The following CLEC4D variants were observed in gnomAD, a reference collection of about 807,000 sequenced individuals.
The protein encoded by CLEC4D is C-type lectin domain family 4 member D.
A neutral mutation model predicts 21.1 loss-of-function variants in CLEC4D; 21 were observed. That is an observed-to-expected ratio of 1.00 (90% confidence interval 0.71 to 1.43). The LOEUF is 1.43. Among genes scored for constraint, CLEC4D ranks in the 40% most tolerant of loss-of-function variants. CLEC4D has a pLI of 0.00. For synonymous variants in CLEC4D, 85 were observed against 83.1 expected (o/e 1.02, Z -0.12); for missense variants, 289 against 260.7 (o/e 1.11, Z -0.75).
chr12:8,516,346 A>G (rs1225261767), intron 2 of CLEC4D, among the ~76,000 whole-genome samples: 2 of 152,248 alleles, frequency 1.3e-5, no homozygotes, highest in Non-Finnish European at 2.9e-5. Flanking sequence ...AGATACTTGT[A>G]ATGCATATAA....
chr12:8,520,767 G>A (rs1004331667), intron 5 of CLEC4D, among the ~76,000 whole-genome samples: 7 of 152,220 alleles, frequency 4.6e-5, no homozygotes, highest in Non-Finnish European at 1.0e-4. Context: ...AAAGAAGCAA[G>A]TGAAATGTAT....
intron 3 of CLEC4D, among the ~76,000 whole-genome samples, chr12:8,518,799 G>C (rs191674880): frequency 1.3e-5 from 2 of 152,178 alleles, no homozygotes; most frequent in African/African-American, 4.8e-5. Context: ...TGATTTTCTC[G>C]TAGTCATTAT....
chr12:8,520,377 C>T, intron 5 of CLEC4D, 36 bp downstream of exon 5: 4 of 1,593,688 alleles, frequency 2.5e-6, no homozygotes, highest in Non-Finnish European at 3.4e-6. Context: ...GATTTATAAG[C>T]AAAGGTTAGA....
chr12:8,520,316 C>T lies in CLEC4D; in HGVS notation c.475C>T (p.Gln159Ter). 6.2e-7 allele frequency: 1 copy of T among 1,613,958 alleles called. No individual in the cohort carries two copies. The highest frequency in any genetic ancestry group is 1.1e-5 in the South Asian group (1 of 91,066). ...NAKGQWRWVD[Q>*]TPFNPRRVFW... ...CAAAGGTCAGTGGCGTTGGGTGGAC[C>T]AGACGCCATTTAACCCACGCAGAGT... is the stretch of plus-strand genomic sequence containing the variant. The change falls in exon 5 of 6, where the codon CAG (glutamine) becomes TAG (stop). Residue 159 changes from glutamine to a stop codon, truncating the protein, a stop_gained. Coordinates refer to ENST00000299665, the MANE Select transcript of CLEC4D (RefSeq NM_080387.5). LOFTEE classifies it low-confidence loss of function (END_TRUNC).
In CLEC4D at chr12:8,518,207, G is replaced by A. The variant is rs1336991393; in HGVS notation, c.165G>A (p.Val55=). ...NFSRCKRGTG[V]HKLEHHAKLK... ...CACGCTGTAAGAGAGGCACAGGAGT[G>A]CACAAGTTAGAGCACCATGCAAAGC... The change falls in exon 3 of 6, where the codon GTG becomes GTA. Residue 55 remains valine, a synonymous_variant. Coordinates refer to ENST00000299665, the MANE Select transcript of CLEC4D (RefSeq NM_080387.5). 4.2e-6 allele frequency: 6 copies of A among 1,443,050 alleles called. No individual in the cohort carries two copies. The highest frequency in any genetic ancestry group is 1.4e-5 in the African/African-American group (1 of 71,802). The allele number at this position is 1,443,050 out of a possible 1,614,324, so 89.4% of individuals were successfully genotyped here.
intron 4 of CLEC4D, among the ~76,000 whole-genome samples, chr12:8,519,683 AGATGTATG>A (rs1057291760): frequency 5.3e-5 from 8 of 152,252 alleles, no homozygotes; most frequent in African/African-American, 1.9e-4. Flanking sequence ...AAACTAATTC[AGATGTATG>A]GATCTAATGA....
intron 3 of CLEC4D, 150 bp downstream of exon 3, chr12:8,518,424 G>A: frequency 1.8e-6 from 1 of 546,558 alleles, no homozygotes; most frequent in Admixed American, 3.1e-5. Flanking sequence ...CCTTAAGATA[G>A]AATTATTTCT....
In CLEC4D at chr12:8,513,731, C is replaced by A. The variant is rs747669477; in HGVS notation, c.-2C>A. The A allele has an allele frequency of 4.4e-6, 5 of 1,131,892 alleles. No homozygotes were observed. The South Asian group carries it at 4.9e-5, about 11-fold the overall frequency. The allele number at this position is 1,131,892 out of a possible 1,614,324, so 70.1% of individuals were successfully genotyped here. On this transcript the variant is annotated 5_prime_UTR_variant, in exon 1 of 6. Transcript: ENST00000299665. ...ACCATTGAACAAGAGACTAATTAGA[C>A]AATGGGGCTAGAAAAACCTCAAAGT...
rs977766570 is a variant in CLEC4D, at chr12:8,520,246, G to A, written c.405G>A (p.Leu135=). The change falls in exon 5 of 6, where the codon CTG becomes CTA. Residue 135 remains leucine (L), a synonymous_variant. Coordinates refer to ENST00000299665, the MANE Select transcript of CLEC4D (RefSeq NM_080387.5). ...EAEQNFIIQF[L]DRRLSYFLGL... is the part of the protein sequence containing the mutation. ...TGCAGAACTTTATTATTCAGTTTCT[G>A]GATAGACGGCTTTCCTATTTCCTTG... 6.2e-7 allele frequency: 1 copy of A among 1,613,898 alleles called. No homozygotes were observed. The highest frequency in any genetic ancestry group is 1.7e-5 in the Admixed American group (1 of 60,024).
At chr12:8,529,372 T>C in the CLEC4D span, among the ~76,000 whole-genome samples, 1 of 152,174 alleles carries the variant, frequency 6.6e-6, no homozygotes, top group Non-Finnish European at 1.5e-5. Flanking sequence ...CCCAGCACTT[T>C]GGGAGGCCAA....
At chr12:8,528,195 T>C in the CLEC4D span, among the ~76,000 whole-genome samples, 1 of 152,162 alleles carries the variant, frequency 6.6e-6, no homozygotes, top group African/African-American at 2.4e-5. Flanking sequence ...CTCCCAGTTA[T>C]AGAATAGTGG....
Position 8,521,291 on chromosome 12 carries a change from T to G in CLEC4D, c.*20T>G, listed in dbSNP as rs1262187778. ...AACTAGAAACTCAGAAAGTGGTCCT[T>G]GTGATGGAAAGAGAAAAGAAAAACC... is the stretch of plus-strand genomic sequence containing the variant. On this transcript the variant is annotated 3_prime_UTR_variant, in exon 6 of 6. Transcript: ENST00000299665. 1.9e-6 allele frequency: 3 copies of G among 1,593,590 alleles called. No homozygotes were observed. Among genetic ancestry groups the G allele is most frequent in the Non-Finnish European group, 2.6e-6 (3 of 1,172,436 alleles).
At chr12:8,524,790 TAC>T (rs1361085258), downstream of CLEC4D, among the ~76,000 whole-genome samples, 3 of 152,212 alleles carry the variant, frequency 2.0e-5, no homozygotes, top group African/African-American at 7.2e-5. Flanking sequence ...ATTGTGATGT[TAC>T]AGTGTCAATT....
chr12:8,531,006 C>T, the CLEC4D span, among the ~76,000 whole-genome samples: 3 of 152,218 alleles, frequency 2.0e-5, no homozygotes, highest in African/African-American at 7.2e-5. Context: ...CCACCTCACC[C>T]TGCCCGGTGC....
downstream of CLEC4D, among the ~76,000 whole-genome samples, chr12:8,524,426 C>T (rs911345568): frequency 4.0e-5 from 6 of 151,828 alleles, no homozygotes; most frequent in South Asian, 2.1e-4. Context: ...GGTTTAGTCC[C>T]GGTAGGGTGT....
chr12:8,519,925 A>C (rs1192603891), intron 4 of CLEC4D, among the ~76,000 whole-genome samples: 1 of 152,148 alleles, frequency 6.6e-6, no homozygotes, highest in Non-Finnish European at 1.5e-5. Flanking sequence ...TAAAAACAAA[A>C]CCTCCTAAAA....
chr12:8,521,897 G>A lies in CLEC4D; in HGVS notation c.*626G>A, dbSNP rs1007996315. The A allele has an allele frequency of 3.3e-5, 5 of 152,062 alleles. No homozygotes were observed. The highest frequency in any genetic ancestry group is 1.2e-4 in the African/African-American group (5 of 41,420). 9.4% of individuals were successfully genotyped at this position (152,062 alleles called of 1,614,324 possible). ...ATTTACTTCTTACTCCACCCAACACGTTTTTGCAAAGCAAGAAGTCTTTGT... is the reference window on the plus strand; with the variant it reads ...ATTTACTTCTTACTCCACCCAACACATTTTTGCAAAGCAAGAAGTCTTTGT... On this transcript the variant is annotated 3_prime_UTR_variant, in exon 6 of 6. Transcript: ENST00000299665.
chr12:8,526,247 G>C (rs1246265104), downstream of CLEC4D, among the ~76,000 whole-genome samples: 1 of 152,106 alleles, frequency 6.6e-6, no homozygotes. Flanking sequence ...TGCTAGGTTG[G>C]GGAAGTTGTC....
intron 3 of CLEC4D, 75 bp from the exon 4 acceptor site, chr12:8,518,934 A>G: frequency 2.0e-6 from 3 of 1,533,478 alleles, no homozygotes; most frequent in Non-Finnish European, 2.6e-6. Context: ...GGATATAGGT[A>G]GTAGAATAGT....
Sources: allele counts gnomAD v4.1 joint callset (sites outside exome capture counted in the v4.1 genomes callset), GRCh38; gene constraint gnomAD v4.1.1; transcripts MANE v1.5; gene names NCBI Gene and HGNC (gene_info 2026-07-23, HGNC 2026-07-21).